The following PIGK variants were observed in gnomAD, a reference collection of about 807,000 sequenced individuals.
PIGK encodes the protein GPI-anchor transamidase.
A neutral mutation model predicts 50.6 loss-of-function variants in PIGK; 42 were observed. The ratio of observed to expected loss-of-function variants is 0.83; its 90% confidence interval spans 0.65 to 1.07. The LOEUF is 1.07. PIGK is among the 50% of genes least tolerant of loss of function. The pLI, the probability that PIGK is intolerant of heterozygous loss-of-function variation, is 0.00. For synonymous variants in PIGK, 151 were observed against 156.0 expected (o/e 0.97, Z 0.24); for missense variants, 448 against 488.7 (o/e 0.92, Z 0.78).
intron 9 of PIGK, among the ~76,000 whole-genome samples, chr1:77,146,811 A>G (rs1654780048): frequency 6.6e-6 from 1 of 152,044 alleles, no homozygotes; most frequent in Non-Finnish European, 1.5e-5. Flanking sequence ...AAAAAAAGTA[A>G]AAGAAAAATT....
chr1:77,092,987 T>C (rs1653333140), intron 10 of PIGK, among the ~76,000 whole-genome samples: 1 of 152,076 alleles, frequency 6.6e-6, no homozygotes, highest in African/African-American at 2.4e-5. Flanking sequence ...CATTCAGCTA[T>C]TCAACACACA....
chr1:77,152,694 CAAAAAAAA>C (rs1257152463), intron 9 of PIGK, among the ~76,000 whole-genome samples: 1 of 149,576 alleles, frequency 6.7e-6, no homozygotes, highest in Non-Finnish European at 1.5e-5. Flanking sequence ...AACAAAAAAA[CAAAAAAAA>C]TCTAATTATA....
chr1:77,211,587 A>G (rs929960406), intron 1 of PIGK, among the ~76,000 whole-genome samples: 1 of 152,030 alleles, frequency 6.6e-6, no homozygotes, highest in African/African-American at 2.4e-5. Context: ...TGTGAGATAT[A>G]ATCTCCCTAC....
At chr1:77,109,688 T>C (rs79122018) in intron 10 of PIGK, among the ~76,000 whole-genome samples, 14,611 of 152,208 alleles carry the variant, frequency 0.096, 832 homozygotes, top group African/African-American at 0.15. Context: ...GCATTCCCTT[T>C]GAAAACTGGC....
chr1:77,118,159 C>T (rs1002893809), intron 10 of PIGK, among the ~76,000 whole-genome samples: 2 of 152,180 alleles, frequency 1.3e-5, no homozygotes, highest in African/African-American at 4.8e-5. Context: ...AGTTTTTTGT[C>T]ATTCTGTAAG....
At chr1:77,107,591 G>C (rs929664036) in intron 10 of PIGK, among the ~76,000 whole-genome samples, 2 of 152,198 alleles carry the variant, frequency 1.3e-5, no homozygotes, top group Non-Finnish European at 2.9e-5. Flanking sequence ...GAGTTCTGTA[G>C]ATGTCTATTA....
At chr1:77,150,338 G>A (rs945601904) in intron 9 of PIGK, among the ~76,000 whole-genome samples, 2 of 151,482 alleles carry the variant, frequency 1.3e-5, no homozygotes, top group South Asian at 2.1e-4. Context: ...GGCAACATAC[G>A]GAGACCCCCA....
chr1:77,149,957 T>C (rs929684501), intron 9 of PIGK, among the ~76,000 whole-genome samples: 2 of 151,512 alleles, frequency 1.3e-5, no homozygotes, highest in African/African-American at 2.4e-5. Context: ...TGGAAAACTA[T>C]ACAAATACAT....
chr1:77,169,952 A>G (rs1397316517), intron 3 of PIGK, among the ~76,000 whole-genome samples: 1 of 152,170 alleles, frequency 6.6e-6, no homozygotes. Context: ...CACACCTCCA[A>G]GCCAATCACT....
intron 3 of PIGK, among the ~76,000 whole-genome samples, chr1:77,202,765 G>A (rs1047728488): frequency 2.1e-4 from 32 of 152,152 alleles, no homozygotes; most frequent in African/African-American, 7.2e-4. Flanking sequence ...GCATCAGACA[G>A]GGATCACTAC....
intron 3 of PIGK, among the ~76,000 whole-genome samples, chr1:77,172,301 C>T (rs779798177): frequency 9.9e-5 from 15 of 152,168 alleles, no homozygotes; most frequent in Non-Finnish European, 1.8e-4. Flanking sequence ...CTGCCAAGTG[C>T]TCAAACTGTG....
At chr1:77,212,763 A>G (rs915130133) in intron 1 of PIGK, among the ~76,000 whole-genome samples, 3 of 152,224 alleles carry the variant, frequency 2.0e-5, no homozygotes, top group African/African-American at 7.2e-5. Flanking sequence ...GCATACAATT[A>G]TAAGTATGTA....
rs565862622 is a variant in PIGK at position 77,207,055 on chromosome 1, T to C, written c.148-324A>G. 9.2e-5 allele frequency among the ~76,000 whole-genome samples: 14 copies of C among 152,202 alleles called. No homozygotes were observed. The South Asian group carries it at 1.7e-3, about 18-fold the overall frequency. On this transcript the variant is annotated intron_variant, in intron 2 of 10. Coordinates refer to ENST00000370812, the MANE Select transcript of PIGK (RefSeq NM_005482.3). ...GGTGGCGTGCACCTGTAGTTGCAGC[T>C]ACTTGGGAGGCTGAGGCATGAGAAT... is the stretch of plus-strand genomic sequence containing the variant.
intron 10 of PIGK, among the ~76,000 whole-genome samples, chr1:77,119,113 T>C (rs1304733701): frequency 1.3e-5 from 2 of 152,238 alleles, no homozygotes; most frequent in African/African-American, 4.8e-5. Context: ...GTAAAACCAG[T>C]GCCTCTCTTA....
intron 10 of PIGK, among the ~76,000 whole-genome samples, chr1:77,094,915 G>A (rs557626045): frequency 2.6e-5 from 4 of 152,124 alleles, no homozygotes; most frequent in Admixed American, 2.0e-4. Flanking sequence ...TTCTCCAACA[G>A]CAAACTTTAA....
chr1:77,137,561 C>A (rs534461624), intron 9 of PIGK, among the ~76,000 whole-genome samples: 1 of 151,918 alleles, frequency 6.6e-6, no homozygotes, highest in South Asian at 2.1e-4. Flanking sequence ...TCATTTCTTT[C>A]TTTTGTTTTT....
Position 77,122,285 on chromosome 1 carries a change from A to C in PIGK, c.1061T>G (p.Ile354Arg). The change falls in exon 10 of 11, where the codon ATA becomes AGA. Residue 354 changes from isoleucine to arginine, a missense_variant. Physicochemically the swap from Ile to Arg is moderately conservative, Grantham distance 97. Coordinates refer to ENST00000370812, the MANE Select transcript of PIGK (RefSeq NM_005482.3). The part of the protein sequence containing the change: ...KYAEQLPVAQ[I>R]IHQKPKLKDW... The stretch of plus-strand genomic sequence containing the variant: ...AAATGAAATGCAAACCTGGTGTATT[A>C]TCTGAGCTACAGGAAGTTGTTCAGC... The C allele has an allele frequency of 6.3e-7, 1 of 1,586,776 alleles. No homozygotes were observed. Among genetic ancestry groups the C allele is most frequent in the South Asian group, 1.1e-5 (1 of 90,300 alleles).
intron 10 of PIGK, among the ~76,000 whole-genome samples, chr1:77,111,105 C>T (rs930492266): frequency 3.9e-5 from 6 of 152,230 alleles, no homozygotes; most frequent in Admixed American, 3.9e-4. Context: ...AGTCAGGAAA[C>T]AACAGGTGCT....
At chr1:77,098,344 T>A (rs1050155699) in intron 10 of PIGK, among the ~76,000 whole-genome samples, 7 of 152,060 alleles carry the variant, frequency 4.6e-5, no homozygotes, top group Admixed American at 3.9e-4. Flanking sequence ...GAAATTTTTT[T>A]TTTTTTGAGA....
Sources: allele counts gnomAD v4.1 joint callset (sites outside exome capture counted in the v4.1 genomes callset), GRCh38; gene constraint gnomAD v4.1.1; transcripts MANE v1.5; gene names NCBI Gene and HGNC (gene_info 2026-07-23, HGNC 2026-07-21).